The following RNF103 variants were observed in gnomAD, a reference collection of about 807,000 sequenced individuals.
The protein encoded by RNF103 is E3 ubiquitin-protein ligase RNF103.
RNF103 carries 23 observed loss-of-function variants against 66.2 expected under a neutral mutation model. That is an observed-to-expected ratio of 0.35 (90% confidence interval 0.25 to 0.49). The LOEUF (loss-of-function observed/expected upper bound fraction) is 0.49, where lower values mean the gene tolerates loss of function less well. Among genes scored for constraint, RNF103 ranks in the 20% least tolerant of loss-of-function variants. RNF103 has a pLI of 0.98. For missense variants in RNF103, 730 were observed against 814.7 expected, an observed-to-expected ratio of 0.90 and a Z score of 1.27; for synonymous variants, 297 against 289.9, an observed-to-expected ratio of 1.02 and a Z score of -0.25.
At chr2:86,617,257 T>C (rs1573367172) in intron 2 of RNF103, 1 of 985,328 alleles carries the variant, frequency 1.0e-6, no homozygotes, top group Non-Finnish European at 1.2e-6. Flanking sequence ...TCTTCATTTA[T>C]GAAAACACTC....
At chr2:86,618,019 A>G (rs1433790434) in intron 2 of RNF103, 1 of 457,782 alleles carries the variant, frequency 2.2e-6, no homozygotes, top group Non-Finnish European at 4.4e-6. Flanking sequence ...CATCACTGGA[A>G]AAATTAAGCA....
chr2:86,618,851 A>T (rs1679117898), intron 2 of RNF103: 2 of 152,240 alleles, frequency 1.3e-5, no homozygotes, highest in Non-Finnish European at 2.9e-5. Context: ...TTAAAGCTTT[A>T]AAAAAGCTCC....
rs201929439 is a variant in RNF103 at position 86,615,679 on chromosome 2, CAGGA to C, written c.367-3409_367-3406del. Among the ~76,000 whole-genome samples the C allele has an allele frequency of 6.0e-3, 911 of 152,014 alleles. 12 individuals are homozygous for C. Among genetic ancestry groups the C allele is most frequent in the African/African-American group, 0.021 (863 of 41,450 alleles). On this transcript the variant is annotated intron_variant, in intron 2 of 3. Coordinates refer to ENST00000237455, the MANE Select transcript of RNF103 (RefSeq NM_005667.4). ...AGGGGAGACATTTTCCTCAGCAGCT[CAGGA>C]AGGAACACTGTATGTGGGGAACATT...
At chr2:86,606,985 G>T (rs1412347760) in intron 3 of RNF103, among the ~76,000 whole-genome samples, 1 of 152,016 alleles carries the variant, frequency 6.6e-6, no homozygotes, top group African/African-American at 2.4e-5. Flanking sequence ...GTCTCACCAT[G>T]TCGCCCAGGC....
rs756884860 is a variant in RNF103, at chr2:86,605,115, C to G, written c.786G>C (p.Glu262Asp). ...AATTTTCTACATTAACAAAAATAAA[C>G]TCAACTCTTCCAGTAAACTTTATAC... is the stretch of plus-strand genomic sequence containing the variant. ...ALSIKFTGRV[E>D]FIFVNVENWD... is the part of the protein sequence containing the mutation. The change falls in exon 4 of 4, where the codon GAG (glutamate) becomes GAC (aspartate). Residue 262 changes from glutamate to aspartate, a missense_variant. This residue lies in a region of RNF103 where 327 missense variants were observed against 369.8 expected (regional missense o/e 0.88). Coordinates refer to ENST00000237455, the MANE Select transcript of RNF103 (RefSeq NM_005667.4). The G allele has an allele frequency of 1.9e-6, 3 of 1,613,722 alleles. No individual in the cohort carries two copies. Among genetic ancestry groups the G allele is most frequent in the Non-Finnish European group, 2.5e-6 (3 of 1,180,000 alleles).
At chr2:86,608,270 T>C (rs1678648269) in intron 3 of RNF103, among the ~76,000 whole-genome samples, 2 of 152,062 alleles carry the variant, frequency 1.3e-5, no homozygotes, top group South Asian at 4.1e-4. Flanking sequence ...GTGGATCACT[T>C]GAGGCCAGGA....
chr2:86,623,435 G>C lies in RNF103; in HGVS notation c.-549C>G. 3.1e-6 allele frequency: 3 copies of C among 981,874 alleles called. No homozygotes were observed. The highest frequency in any genetic ancestry group is 3.6e-6 in the Non-Finnish European group (3 of 828,548). The allele number at this position is 981,874 out of a possible 1,614,324, so 60.8% of individuals were successfully genotyped here. On this transcript the variant is annotated 5_prime_UTR_variant, in exon 1 of 4. Coordinates refer to ENST00000237455, the MANE Select transcript of RNF103 (RefSeq NM_005667.4). ...GCGGCGCTCGGCCGGGCCAGGCCCG[G>C]GGCCCAGCGTGTTCTGCGCGGGGAG...
At position 86,622,720 on chromosome 2, in the gene RNF103, C is replaced by A. The variant is rs1347923367; in HGVS notation, c.167G>T (p.Gly56Val). Reference sequence around the variant, plus strand: ...CTCGGGCAACCCTGAGTAGCCCAACCCCCGGCACTCCAAAATGGTCTTCAG... The same window carrying A: ...CTCGGGCAACCCTGAGTAGCCCAACACCCGGCACTCCAAAATGGTCTTCAG... ...KKLKTILECR[G>V]LGYSGLPEKK... Residue 56 changes from glycine (G) to valine (V), a missense_variant, in exon 1 of 4, where the codon GGG (glycine) becomes GTG (valine). This residue lies in a region of RNF103 where 327 missense variants were observed against 369.8 expected (regional missense o/e 0.88). Coordinates refer to ENST00000237455, the MANE Select transcript of RNF103 (RefSeq NM_005667.4). The A allele has an allele frequency of 6.2e-7, 1 of 1,614,184 alleles. No individual in the cohort carries two copies.
chr2:86,604,935 C>G lies in RNF103; in HGVS notation c.966G>C (p.Glu322Asp), dbSNP rs1678488656. The part of the protein sequence containing the change: ...MDSFLRSLQP[E>D]VNDLFVLSLV... ...AGCTCAAAACAAACAGATCATTTAC[C>G]TCGGGTTGTAATGAGCGCAAAAATG... Residue 322 changes from glutamate (E) to aspartate (D), a missense_variant, in exon 4 of 4, where the codon GAG (glutamate) becomes GAC (aspartate). By Grantham distance (45) the Glu-to-Asp change is conservative (BLOSUM62 2). This residue lies in a region of RNF103 where 48 missense variants were observed against 93.0 expected (regional missense o/e 0.52). Coordinates refer to ENST00000237455, the MANE Select transcript of RNF103 (RefSeq NM_005667.4). 1 of 1,613,930 alleles carries G rather than the reference C, an allele frequency of 6.2e-7. No individual in the cohort carries two copies. Among genetic ancestry groups the G allele is most frequent in the East Asian group, 2.2e-5 (1 of 44,884 alleles).
Position 86,623,788 on chromosome 2 carries a change from C to G in RNF103, c.-902G>C. 1 of 1,282,940 alleles carries G rather than the reference C, an allele frequency of 7.8e-7. No homozygotes were observed. The highest frequency in any genetic ancestry group is 1.2e-5 in the South Asian group (1 of 80,474). The allele number at this position is 1,282,940 out of a possible 1,614,324, so 79.5% of individuals were successfully genotyped here. On this transcript the variant is annotated 5_prime_UTR_variant, in exon 1 of 4. Transcript: ENST00000237455. Reference sequence around the variant, plus strand: ...GTCGCAGCACCCGTCCCCAACACCCCCGCCACCTCCGGAGACCGCGGCCGT... The same window carrying G: ...GTCGCAGCACCCGTCCCCAACACCCGCGCCACCTCCGGAGACCGCGGCCGT...
rs1330538936 is a variant in RNF103, at chr2:86,623,523, C to G, written c.-637G>C. Reference sequence around the variant, plus strand: ...CCAGGCCCCGCCGACCGCCCAGGCTCCGCGAGAAGAGCGGCGGGCACGGCG... The same window carrying G: ...CCAGGCCCCGCCGACCGCCCAGGCTGCGCGAGAAGAGCGGCGGGCACGGCG... On this transcript the variant is annotated 5_prime_UTR_variant, in exon 1 of 4. Coordinates refer to ENST00000237455, the MANE Select transcript of RNF103 (RefSeq NM_005667.4). The G allele has an allele frequency of 2.0e-6, 2 of 984,762 alleles. No individual in the cohort carries two copies. Among genetic ancestry groups the G allele is most frequent in the South Asian group, 9.3e-5 (2 of 21,534 alleles). The allele number at this position is 984,762 out of a possible 1,614,324, so 61.0% of individuals were successfully genotyped here.
intron 2 of RNF103, chr2:86,616,810 C>T (rs908037335): frequency 1.3e-5 from 13 of 985,270 alleles, no homozygotes; most frequent in South Asian, 9.4e-5. Context: ...AAAGTCAAAA[C>T]GGAGAAACAG....
chr2:86,619,414 A>G (rs924039428), intron 2 of RNF103, among the ~76,000 whole-genome samples: 2 of 152,174 alleles, frequency 1.3e-5, no homozygotes, highest in African/African-American at 4.8e-5. Context: ...ATCCTGGTTC[A>G]ATACTACCAA....
chr2:86,606,679 A>T (rs1458733082), intron 3 of RNF103, among the ~76,000 whole-genome samples: 1 of 150,882 alleles, frequency 6.6e-6, no homozygotes, highest in East Asian at 1.9e-4. Context: ...AAAAAAAAAA[A>T]AAAAAAAAGA....
chr2:86,616,769 GAACA>G (rs1210376704), intron 2 of RNF103: 13 of 985,254 alleles, frequency 1.3e-5, no homozygotes, highest in Admixed American at 6.1e-5. Context: ...AGCCAGTAGG[GAACA>G]AATATGTCCT....
chr2:86,620,373 T>G lies in RNF103; in HGVS notation c.323A>C (p.Tyr108Ser), dbSNP rs763929414. Residue 108 changes from tyrosine to serine, a missense_variant, in exon 2 of 4, where the codon TAT becomes TCT. Coordinates refer to ENST00000237455, the MANE Select transcript of RNF103 (RefSeq NM_005667.4). Reference sequence around the variant, plus strand: ...ATCTTTTGTGTCTTCCACAAGCTCATAGAAGTGCATTTCACCACTGAAATT... The same window carrying G: ...ATCTTTTGTGTCTTCCACAAGCTCAGAGAAGTGCATTTCACCACTGAAATT... Reference protein sequence around the residue: ...STNFSGEMHFYELVEDTKDGI... With the variant: ...STNFSGEMHFSELVEDTKDGI... 5 of 1,609,036 alleles carry G rather than the reference T, an allele frequency of 3.1e-6. No individual in the cohort carries two copies. The highest frequency in any genetic ancestry group is 4.3e-6 in the Non-Finnish European group (5 of 1,176,288).
intron 3 of RNF103, 105 bp downstream of exon 3, chr2:86,612,054 T>C (rs1302602724): frequency 1.5e-6 from 1 of 682,346 alleles, no homozygotes; most frequent in Non-Finnish European, 2.5e-6. Context: ...TGCTACACAT[T>C]ATAATAAGCT....
At chr2:86,606,533 C>A (rs181601413) in intron 3 of RNF103, among the ~76,000 whole-genome samples, 1 of 151,682 alleles carries the variant, frequency 6.6e-6, no homozygotes, top group Non-Finnish European at 1.5e-5. Flanking sequence ...CATGGCAACG[C>A]GTGCCTGTAA....
chr2:86,604,079 A>C lies in RNF103; in HGVS notation c.1822T>G (p.Trp608Gly). 1 of 1,613,912 alleles carries C rather than the reference A, an allele frequency of 6.2e-7. No individual in the cohort carries two copies. The highest frequency in any genetic ancestry group is 8.5e-7 in the Non-Finnish European group (1 of 1,180,044). ...AGCATATCAGCAGGCCAAGTTAACC[A>C]ATCAGGTTCCATATCTTCATTAGTG... ...YNTNEDMEPD[W>G]LTWPADMLHC... The change falls in exon 4 of 4, where the codon TGG (tryptophan) becomes GGG (glycine). Residue 608 changes from tryptophan to glycine, a missense_variant. By Grantham distance (184) the Trp-to-Gly change is radical (BLOSUM62 -2). Coordinates refer to ENST00000237455, the MANE Select transcript of RNF103 (RefSeq NM_005667.4).
Sources: gnomAD v4.1 joint callset for allele counts (sites outside exome capture counted in the v4.1 genomes callset) on GRCh38, gnomAD v4.1.1 for gene constraint, gnomAD v4.1.1 regional missense constraint, MANE v1.5 for transcripts, NCBI Gene and HGNC (gene_info 2026-07-23, HGNC 2026-07-21) for gene names.